UTP15: variants seen among roughly 807,000 people sequenced by gnomAD.
UTP15 encodes the protein UTP15 small subunit processome component.
UTP15 carries 5 observed loss-of-function variants against 59.1 expected under a neutral mutation model. That is an observed-to-expected ratio of 0.08 (90% CI 0.04 to 0.18). The LOEUF is 0.18. Among genes scored for constraint, UTP15 ranks in the 10% least tolerant of loss-of-function variants. The pLI is 1.00. For missense variants in UTP15, 494 were observed against 616.7 expected, an observed-to-expected ratio of 0.80 and a Z score of 2.11; for synonymous variants, 211 against 212.2, an observed-to-expected ratio of 0.99 and a Z score of 0.05.
rs1184976595 is a variant in UTP15 at position 73,583,190 on chromosome 5, C to T, written c.*3096C>T. On this transcript the variant is annotated 3_prime_UTR_variant, in exon 13 of 13. Transcript: ENST00000296792. ...AGTTAACTGGACCATGGTGGTACAA[C>T]TGACTCAACCCTTCTCTAAGCAGGG... 3.3e-5 allele frequency: 5 copies of T among 152,200 alleles called. No homozygotes were observed. The highest frequency in any genetic ancestry group is 9.7e-5 in the African/African-American group (4 of 41,448). 9.4% of individuals were successfully genotyped at this position (152,200 alleles called of 1,614,324 possible).
At chr5:73,576,886 A>T (rs1053003041) in intron 7 of UTP15, 66 bp from the exon 8 acceptor site, 77 of 1,124,282 alleles carry the variant, frequency 6.8e-5, no homozygotes, top group Non-Finnish European at 5.2e-6. Context: ...GTTTTCAGAA[A>T]ATAGAAATTT....
Position 73,567,265 on chromosome 5 carries a change from T to C in UTP15, c.-80T>C. ...TATAAAATATTTTATTTTTCAGAAT[T>C]AAGGCAGAGTCACTGTAATTATTTC... On this transcript the variant is annotated 5_prime_UTR_variant, in exon 2 of 13. Coordinates refer to ENST00000296792, the MANE Select transcript of UTP15 (RefSeq NM_032175.4). The C allele has an allele frequency of 1.2e-6, 1 of 860,686 alleles. No individual in the cohort carries two copies. The highest frequency in any genetic ancestry group is 2.6e-5 in the Admixed American group (1 of 38,808). The allele number at this position is 860,686 out of a possible 1,614,324, so 53.3% of individuals were successfully genotyped here.
chr5:73,567,442 T>C lies in UTP15; in HGVS notation c.90+8T>C. ...TACTGGAACAACTATAAGGTGAGTG[T>C]GGGACGTAATGAGGGAGAAGGGATT... is the stretch of plus-strand genomic sequence containing the variant. On this transcript the variant is annotated splice_region_variant and intron_variant, in intron 2 of 12. Transcript: ENST00000296792. 2 of 1,581,186 alleles carry C rather than the reference T, an allele frequency of 1.3e-6. No homozygotes were observed. Among genetic ancestry groups the C allele is most frequent in the South Asian group, 1.2e-5 (1 of 86,070 alleles).
At position 73,583,259 on chromosome 5, in the gene UTP15, T is replaced by C. The variant is rs343115; in HGVS notation, c.*3165T>C. 28,585 of 152,154 alleles carry C rather than the reference T, an allele frequency of 0.19. 2,983 individuals carry two copies. The highest frequency in any genetic ancestry group is 0.23 in the Non-Finnish European group (15,809 of 68,002). 9.4% of individuals were successfully genotyped at this position (152,154 alleles called of 1,614,324 possible). On this transcript the variant is annotated 3_prime_UTR_variant, in exon 13 of 13. Coordinates refer to ENST00000296792, the MANE Select transcript of UTP15 (RefSeq NM_032175.4). ...TAATGAAATTCCTGATCTGGGAAAA[T>C]GGGAGGCTGGGAATGCTATGTCTAG...
Position 73,576,936 on chromosome 5 carries a change from T to C in UTP15, c.810-16T>C. ...TTTTCAAGGTGATTTTTGACAAAGC[T>C]TTTCCTTTTTATTAGGAAGGTGAAA... On this transcript the variant is annotated splice_polypyrimidine_tract_variant and intron_variant, in intron 7 of 12. Transcript: ENST00000296792. The C allele has an allele frequency of 6.4e-7, 1 of 1,560,948 alleles. No homozygotes were observed. Among genetic ancestry groups the C allele is most frequent in the Non-Finnish European group, 8.7e-7 (1 of 1,155,806 alleles).
chr5:73,572,215 A>C (rs1747951710), intron 6 of UTP15, among the ~76,000 whole-genome samples: 1 of 152,244 alleles, frequency 6.6e-6, no homozygotes, highest in Non-Finnish European at 1.5e-5. Flanking sequence ...TAATTTTCTT[A>C]AAATGGACTC....
rs773848487 is a variant in UTP15, at chr5:73,570,659, G to T, written c.621G>T (p.Gln207His). 2.5e-6 allele frequency: 4 copies of T among 1,614,188 alleles called. No individual in the cohort carries two copies. In the South Asian group the frequency reaches 4.4e-5, roughly 18 times the overall value. Residue 207 changes from glutamine to histidine, a missense_variant, in exon 6 of 13, where the codon CAG (glutamine) becomes CAT (histidine). By Grantham distance (24) the Gln-to-His change is conservative. Transcript: ENST00000296792. Reference sequence around the variant, plus strand: ...GTGTTCTCTCCGTTGAGCATGGGCAGCCAGTGGAGAGTGTCCTACTTTTCC... The same window carrying T: ...GTGTTCTCTCCGTTGAGCATGGGCATCCAGTGGAGAGTGTCCTACTTTTCC... ...SESVLSVEHG[Q>H]PVESVLLFPS...
rs1403030932 is a variant in UTP15, at chr5:73,567,390, G to A, written c.46G>A (p.Gly16Ser). The part of the protein sequence containing the change: ...PVAIQTYPIL[G>S]EKITQDTLYW... Reference sequence around the variant, plus strand: ...AGCTATTCAGACATATCCTATACTTGGTGAAAAAATCACCCAAGATACACT... The same window carrying A: ...AGCTATTCAGACATATCCTATACTTAGTGAAAAAATCACCCAAGATACACT... Residue 16 changes from glycine (G) to serine (S), a missense_variant, in exon 2 of 13, where the codon GGT (glycine) becomes AGT (serine). Physicochemically the swap from Gly to Ser is moderately conservative, Grantham distance 56. Coordinates refer to ENST00000296792, the MANE Select transcript of UTP15 (RefSeq NM_032175.4). 6.2e-7 allele frequency: 1 copy of A among 1,608,784 alleles called. No homozygotes were observed. Among genetic ancestry groups the A allele is most frequent in the Non-Finnish European group, 8.5e-7 (1 of 1,177,412 alleles).
chr5:73,572,871 C>T (rs528778138), intron 7 of UTP15, among the ~76,000 whole-genome samples: 4 of 151,938 alleles, frequency 2.6e-5, no homozygotes, highest in East Asian at 1.9e-4. Flanking sequence ...AATCTCGGCT[C>T]GCTGCAACCT....
In UTP15 at chr5:73,568,258, T is replaced by C. The variant is rs1186379090; in HGVS notation, c.114T>C (p.Phe38=). Residue 38 remains phenylalanine, a synonymous_variant, in exon 3 of 13, where the codon TTT becomes TTC. Coordinates refer to ENST00000296792, the MANE Select transcript of UTP15 (RefSeq NM_032175.4). ...NYKTPVQIKE[F]GAVSKVDFSP... is the part of the protein sequence containing the mutation. ...AGACCCCTGTTCAGATTAAGGAATT[T>C]GGTGCAGTTTCAAAAGTAGACTTTT... The C allele has an allele frequency of 1.2e-6, 2 of 1,610,516 alleles. No individual in the cohort carries two copies. Among genetic ancestry groups the C allele is most frequent in the East Asian group, 2.2e-5 (1 of 44,802 alleles).
intron 2 of UTP15, 56 bp downstream of exon 2, chr5:73,567,490 G>GCATCCAGAGTATAA: frequency 7.6e-7 from 1 of 1,318,174 alleles, no homozygotes; most frequent in Non-Finnish European, 1.1e-6. Flanking sequence ...AATTTCTCTA[G>GCATCCAGAGTATAA]CATATGTTAT....
rs1373825101 is a variant in UTP15, at chr5:73,576,995, A to G, written c.853A>G (p.Ser285Gly). ...CACAACTTCCTACAAAGTAGTCCAC[A>G]GTTTTGATTATGCAGCTTCAATTTT... is the stretch of plus-strand genomic sequence containing the variant. ...YSTTSYKVVH[S>G]FDYAASILSL... The change falls in exon 8 of 13, where the codon AGT (serine) becomes GGT (glycine). Residue 285 changes from serine to glycine, a missense_variant. Coordinates refer to ENST00000296792, the MANE Select transcript of UTP15 (RefSeq NM_032175.4). 1.2e-6 allele frequency: 2 copies of G among 1,610,938 alleles called. No homozygotes were observed. The highest frequency in any genetic ancestry group is 8.5e-7 in the Non-Finnish European group (1 of 1,179,284).
intron 9 of UTP15, chr5:73,578,509 A>G: frequency 4.6e-6 from 2 of 433,646 alleles, no homozygotes; most frequent in Non-Finnish European, 8.3e-6. Flanking sequence ...GCAATGGTGC[A>G]TGTTGTAAGT....
At chr5:73,576,187 C>G (rs995479980) in intron 7 of UTP15, among the ~76,000 whole-genome samples, 1 of 151,954 alleles carries the variant, frequency 6.6e-6, no homozygotes, top group Non-Finnish European at 1.5e-5. Context: ...TCACTGCAAC[C>G]TCTGCCTCCC....
chr5:73,566,557 C>A (rs1293211956), intron 1 of UTP15, among the ~76,000 whole-genome samples: 1 of 152,154 alleles, frequency 6.6e-6, no homozygotes, highest in Non-Finnish European at 1.5e-5. Flanking sequence ...GTAAAGTTTT[C>A]AGGCTTTTTG....
At chr5:73,570,766 T>TA (rs1241201524) in intron 6 of UTP15, 55 bp downstream of exon 6, 2 of 1,598,840 alleles carry the variant, frequency 1.3e-6, no homozygotes, top group Non-Finnish European at 1.7e-6. Context: ...CACGTTTGTT[T>TA]AAAATCAGTT....
At position 73,581,504 on chromosome 5, in the gene UTP15, A is replaced by G. The variant is rs1748306604; in HGVS notation, c.*1410A>G. ...TTTCTCTAATTATTACGCCAACTCAAGTAGTTAAAAATCAGTAAGAAAAAT... is the reference window on the plus strand; with the variant it reads ...TTTCTCTAATTATTACGCCAACTCAGGTAGTTAAAAATCAGTAAGAAAAAT... On this transcript the variant is annotated 3_prime_UTR_variant, in exon 13 of 13. Transcript: ENST00000296792. The G allele has an allele frequency of 1.3e-5, 2 of 152,146 alleles. No individual in the cohort carries two copies. The highest frequency in any genetic ancestry group is 4.8e-5 in the African/African-American group (2 of 41,428). 9.4% of individuals were successfully genotyped at this position (152,146 alleles called of 1,614,324 possible). A position where few individuals can be genotyped will look rare whatever the true frequency, so the allele number is the denominator to read the frequency against.
Position 73,569,418 on chromosome 5 carries a change from A to G in UTP15, c.369-79A>G, listed in dbSNP as rs558237612. 9.5e-6 allele frequency: 11 copies of G among 1,155,044 alleles called. No individual in the cohort carries two copies. The Admixed American group carries it at 3.0e-4, about 32-fold the overall frequency. 71.5% of individuals were successfully genotyped at this position (1,155,044 alleles called of 1,614,324 possible). A position where few individuals can be genotyped will look rare whatever the true frequency, so the allele number is the denominator to read the frequency against. ...TCAGCTGCTTTTTTTTTAATCTGAG[A>G]AAAAGGAGCATTTTATGTTAGAAGG... On this transcript the variant is annotated intron_variant, in intron 4 of 12. Transcript: ENST00000296792.
At position 73,581,715 on chromosome 5, in the gene UTP15, AT is replaced by A. The variant is rs1164361543; in HGVS notation, c.*1623del. ...AAACGTATTAAGTTTAACATATTAA[AT>A]TAATTTAACATTTAGACTAACATTA... is the stretch of plus-strand genomic sequence containing the variant. On this transcript the variant is annotated 3_prime_UTR_variant, in exon 13 of 13. Coordinates refer to ENST00000296792, the MANE Select transcript of UTP15 (RefSeq NM_032175.4). The A allele has an allele frequency of 6.6e-6, 1 of 151,842 alleles. No individual in the cohort carries two copies. The highest frequency in any genetic ancestry group is 1.5e-5 in the Non-Finnish European group (1 of 67,990). The allele number at this position is 151,842 out of a possible 1,614,324, so 9.4% of individuals were successfully genotyped here.
Sources: gnomAD v4.1 joint callset for allele counts (sites outside exome capture counted in the v4.1 genomes callset) on GRCh38, gnomAD v4.1.1 for gene constraint, MANE v1.5 for transcripts, NCBI Gene and HGNC (gene_info 2026-07-23, HGNC 2026-07-21) for gene names.